TP53AIP1: variants seen among roughly 807,000 people sequenced by gnomAD.
TP53AIP1 encodes the protein p53-regulated apoptosis-inducing protein 1.
Under a neutral mutation model 9.5 loss-of-function variants are expected in TP53AIP1, and 14 were observed. The ratio of observed to expected loss-of-function variants is 1.47; its 90% CI spans 0.97 to 2.30. TP53AIP1 has a LOEUF of 2.30. Ranked by LOEUF, TP53AIP1 falls within the 30% of genes most tolerant of loss-of-function variation. The probability of loss-of-function intolerance (pLI) is 0.00; values close to 1 mark genes in which losing one functional copy is unlikely to be tolerated. For missense variants in TP53AIP1, 153 were observed against 146.7 expected (o/e 1.04, Z -0.22); for synonymous variants, 73 against 61.2 (o/e 1.19, Z -0.90).
chr11:128,938,694 C>T (rs559841221), intron 1 of TP53AIP1, among the ~76,000 whole-genome samples: 6 of 152,296 alleles, frequency 3.9e-5, no homozygotes, highest in South Asian at 2.1e-4. Flanking sequence ...CCCAGGGCGG[C>T]GGGAGCTCTG....
intron 1 of TP53AIP1, among the ~76,000 whole-genome samples, chr11:128,938,519 T>G (rs1213911311): frequency 6.6e-6 from 1 of 152,154 alleles, no homozygotes; most frequent in Non-Finnish European, 1.5e-5. Flanking sequence ...GGGAAGCTGG[T>G]GCCCTCACTT....
rs1199740266 is a variant in TP53AIP1, at chr11:128,935,629, T to C, written c.337A>G (p.Ser113Gly). The change falls in exon 4 of 4, where the codon AGC (serine) becomes GGC (glycine). Residue 113 changes from serine (S) to glycine (G), a missense_variant. Ser to Gly is a moderately conservative substitution (Grantham distance 56). Transcript: ENST00000531399. ...DRPLGSAFEL[S>G]YDQKKAPLRL... Reference sequence around the variant, plus strand: ...AACGGTGCTTTTTTCTGATCATAGCTGAGCTCAAATGCTGACCCCAGTGGC... The same window carrying C: ...AACGGTGCTTTTTTCTGATCATAGCCGAGCTCAAATGCTGACCCCAGTGGC... 1.3e-6 allele frequency: 2 copies of C among 1,584,892 alleles called. No homozygotes were observed. Among genetic ancestry groups the C allele is most frequent in the Non-Finnish European group, 1.7e-6 (2 of 1,173,254 alleles).
intron 1 of TP53AIP1, among the ~76,000 whole-genome samples, chr11:128,940,749 C>A (rs1360246412): frequency 6.6e-6 from 1 of 152,212 alleles, no homozygotes; most frequent in Non-Finnish European, 1.5e-5. Context: ...ACAGTCCCCA[C>A]CCACACACTC....
rs749866282 is a variant in TP53AIP1, at chr11:128,935,652, G to A, written c.314C>T (p.Pro105Leu). The A allele has an allele frequency of 1.3e-6, 2 of 1,588,914 alleles. No homozygotes were observed. The highest frequency in any genetic ancestry group is 3.4e-5 in the Admixed American group (2 of 58,818). The part of the protein sequence containing the change: ...LPGATVLRDR[P>L]LGSAFELSYD... ...GCTGAGCTCAAATGCTGACCCCAGT[G>A]GCCTGTCTCTAAGCACTGTGGCTCC... Residue 105 changes from proline (P) to leucine (L), a missense_variant, in exon 4 of 4, where the codon CCA becomes CTA. Transcript: ENST00000531399.
chr11:128,935,410 G>A lies in TP53AIP1; in HGVS notation c.*181C>T. 1 of 1,417,144 alleles carries A rather than the reference G, an allele frequency of 7.1e-7. No homozygotes were observed. The highest frequency in any genetic ancestry group is 2.6e-4 in the Middle Eastern group (1 of 3,844). 87.8% of individuals were successfully genotyped at this position (1,417,144 alleles called of 1,614,324 possible). A position where few individuals can be genotyped will look rare whatever the true frequency, so the allele number is the denominator to read the frequency against. ...TATTTCAGATTTGGGGATACAGAAGGATGCAAAATGAGGCAACCTAGCCAC... is the reference window on the plus strand; with the variant it reads ...TATTTCAGATTTGGGGATACAGAAGAATGCAAAATGAGGCAACCTAGCCAC... On this transcript the variant is annotated 3_prime_UTR_variant, in exon 4 of 4. Transcript: ENST00000531399.
downstream of TP53AIP1, chr11:128,935,367 G>A: frequency 7.1e-7 from 1 of 1,414,510 alleles, no homozygotes; most frequent in African/African-American, 1.4e-5. Flanking sequence ...AACTTCACAA[G>A]AATTTTTTTC....
chr11:128,942,627 G>A (rs1161205884), intron 1 of TP53AIP1, among the ~76,000 whole-genome samples, 167 bp downstream of exon 1: 1 of 152,196 alleles, frequency 6.6e-6, no homozygotes, highest in Non-Finnish European at 1.5e-5. Context: ...AGAGAGAGCA[G>A]TTTAGCTGAC....
downstream of TP53AIP1, chr11:128,935,328 A>G (rs1591462297): frequency 1.4e-6 from 2 of 1,419,174 alleles, no homozygotes; most frequent in East Asian, 5.1e-5. Flanking sequence ...TTTAGTTTTT[A>G]GCAAGTGGAT....
At position 128,937,073 on chromosome 11, in the gene TP53AIP1, C is replaced by G. The variant is rs1329100673; in HGVS notation, c.142-424G>C. 3.8e-6 allele frequency: 4 copies of G among 1,045,916 alleles called. No homozygotes were observed. The highest frequency in any genetic ancestry group is 4.6e-6 in the Non-Finnish European group (4 of 868,562). The allele number at this position is 1,045,916 out of a possible 1,614,324, so 64.8% of individuals were successfully genotyped here. A position where few individuals can be genotyped will look rare whatever the true frequency, so the allele number is the denominator to read the frequency against. On this transcript the variant is annotated intron_variant, in intron 2 of 3. Transcript: ENST00000531399. This position sits in a 1 kb window ranked among gnomAD's most constrained non-coding sequence, Gnocchi z 4.8. Reference sequence around the variant, plus strand: ...TGGCAGACTCCTGGCCCAGGCCTGGCCTGTGTCTGCTTCCGGAGCCATGCG... The same window carrying G: ...TGGCAGACTCCTGGCCCAGGCCTGGGCTGTGTCTGCTTCCGGAGCCATGCG...
At position 128,937,321 on chromosome 11, in the gene TP53AIP1, C is replaced by A; in HGVS notation, c.141+357G>T. The stretch of plus-strand genomic sequence containing the variant: ...CAGCCTTCCCTCCCCATGCGCTCCA[C>A]ATGCGTCCTTTGTTCAGCCTCTCCA... On this transcript the variant is annotated intron_variant, in intron 2 of 3. Coordinates refer to ENST00000531399, the MANE Select transcript of TP53AIP1 (RefSeq NM_022112.3). The surrounding 1 kb of genome is among the most constrained non-coding windows in gnomAD (Gnocchi z 4.8). The A allele has an allele frequency of 7.1e-7, 1 of 1,407,550 alleles. No homozygotes were observed. Among genetic ancestry groups the A allele is most frequent in the Middle Eastern group, 2.6e-4 (1 of 3,832 alleles). 87.2% of individuals were successfully genotyped at this position (1,407,550 alleles called of 1,614,324 possible).
Position 128,935,607 on chromosome 11 carries a change from G to T in TP53AIP1, c.359C>A (p.Pro120Gln). The T allele has an allele frequency of 1.3e-6, 2 of 1,576,616 alleles. No individual in the cohort carries two copies. Among genetic ancestry groups the T allele is most frequent in the Admixed American group, 1.8e-5 (1 of 56,894 alleles). Reference protein sequence around the residue: ...FELSYDQKKAPLRLQ With the variant: ...FELSYDQKKAQLRLQ ...GATCTCGGCTCACTGCAACCTCAAC[G>T]GTGCTTTTTTCTGATCATAGCTGAG... Residue 120 changes from proline (P) to glutamine (Q), a missense_variant, in exon 4 of 4, where the codon CCG (proline) becomes CAG (glutamine). Physicochemically the swap from Pro to Gln is moderately conservative, Grantham distance 76. Coordinates refer to ENST00000531399, the MANE Select transcript of TP53AIP1 (RefSeq NM_022112.3).
chr11:128,938,471 C>A (rs1261670031), intron 1 of TP53AIP1, among the ~76,000 whole-genome samples: 4 of 152,180 alleles, frequency 2.6e-5, no homozygotes, highest in Non-Finnish European at 1.5e-5. Flanking sequence ...GCCCTGTCTC[C>A]CTCTCTGCCC....
Position 128,935,560 on chromosome 11 carries a change from C to G in TP53AIP1, c.*31G>C, listed in dbSNP as rs753674226. On this transcript the variant is annotated 3_prime_UTR_variant, in exon 4 of 4. Transcript: ENST00000531399. The stretch of plus-strand genomic sequence containing the variant: ...TTGAGATGGAGTCTCTCTCTGTCGC[C>G]CAGGCTGGAGTGCAGTGGCGTGATC... 6.8e-5 allele frequency: 104 copies of G among 1,536,300 alleles called. No homozygotes were observed. The highest frequency in any genetic ancestry group is 8.6e-5 in the Non-Finnish European group (99 of 1,148,820).
intron 1 of TP53AIP1, among the ~76,000 whole-genome samples, chr11:128,941,965 C>T (rs1470739716): frequency 6.6e-6 from 1 of 152,202 alleles, no homozygotes; most frequent in Non-Finnish European, 1.5e-5. Context: ...GGTGCCCCGC[C>T]CCATGCCCTG....
Position 128,939,984 on chromosome 11 carries a change from G to A in TP53AIP1, c.-76-2090C>T, listed in dbSNP as rs780331352. Among the ~76,000 whole-genome samples the A allele has an allele frequency of 2.0e-5, 3 of 152,164 alleles. No homozygotes were observed. The highest frequency in any genetic ancestry group is 4.4e-5 in the Non-Finnish European group (3 of 68,028). ...CGGGATATCCAGGGAGCCACTCAGA[G>A]GGGACACTTCCAGCTGCCATGCAAA... is the stretch of plus-strand genomic sequence containing the variant. On this transcript the variant is annotated intron_variant, in intron 1 of 3. Transcript: ENST00000531399. The surrounding 1 kb of genome is among the most constrained non-coding windows in gnomAD (Gnocchi z 4.1).
intron 1 of TP53AIP1, among the ~76,000 whole-genome samples, chr11:128,941,369 G>A (rs1007376334): frequency 1.3e-5 from 2 of 152,192 alleles, no homozygotes; most frequent in African/African-American, 4.8e-5. Flanking sequence ...CCTCCTCCCA[G>A]CTGGGTGGAT....
chr11:128,939,474 C>T lies in TP53AIP1; in HGVS notation c.-76-1580G>A, dbSNP rs1049740643. Among the ~76,000 whole-genome samples, 2 of 152,202 alleles carry T rather than the reference C, an allele frequency of 1.3e-5. No individual in the cohort carries two copies. Among genetic ancestry groups the T allele is most frequent in the Admixed American group, 1.3e-4 (2 of 15,284 alleles). ...GAAGAGTTTGAGCTGGTGCCTACAC[C>T]TCCGTCTTCCAGCCACTGAAAACAG... is the stretch of plus-strand genomic sequence containing the variant. On this transcript the variant is annotated intron_variant, in intron 1 of 3. Transcript: ENST00000531399. The surrounding 1 kb of genome is among the most constrained non-coding windows in gnomAD (Gnocchi z 4.1).
At chr11:128,935,245 C>A, downstream of TP53AIP1, 1 of 1,421,876 alleles carries the variant, frequency 7.0e-7, no homozygotes, top group Non-Finnish European at 9.3e-7. Flanking sequence ...GGAGTGCCCT[C>A]GGGCGTGCCA....
At position 128,937,474 on chromosome 11, in the gene TP53AIP1, G is replaced by T; in HGVS notation, c.141+204C>A. 1 of 1,544,362 alleles carries T rather than the reference G, an allele frequency of 6.5e-7. No individual in the cohort carries two copies. Among genetic ancestry groups the T allele is most frequent in the South Asian group, 1.2e-5 (1 of 80,838 alleles). Reference sequence around the variant, plus strand: ...GGAGGAGGGCTGGCCTTCCTCTTGGGACTATTGATCAGGGCTGTCAGTTCC... The same window carrying T: ...GGAGGAGGGCTGGCCTTCCTCTTGGTACTATTGATCAGGGCTGTCAGTTCC... On this transcript the variant is annotated intron_variant, in intron 2 of 3. Coordinates refer to ENST00000531399, the MANE Select transcript of TP53AIP1 (RefSeq NM_022112.3). This position sits in a 1 kb window ranked among gnomAD's most constrained non-coding sequence, Gnocchi z 4.8.
Sources: allele counts gnomAD v4.1 joint callset (sites outside exome capture counted in the v4.1 genomes callset), GRCh38; gene constraint gnomAD v4.1.1; non-coding constraint Gnocchi (gnomAD v3.1); transcripts MANE v1.5; gene names NCBI Gene and HGNC (gene_info 2026-07-23, HGNC 2026-07-21).